Variants in HDAC4 observed in about 807,000 individuals in gnomAD.
The protein encoded by HDAC4 is histone deacetylase A.
In HDAC4, 16 loss-of-function variants were observed where a neutral mutation model predicts 135.1. The ratio of observed to expected loss-of-function variants is 0.12; its 90% confidence interval spans 0.08 to 0.18. HDAC4 has a LOEUF of 0.18. Among genes scored for constraint, HDAC4 ranks in the 10% least tolerant of loss-of-function variants. The pLI is 1.00. For synonymous variants in HDAC4, 685 were observed against 653.4 expected (o/e 1.05, Z -0.74); for missense variants, 1,143 against 1,511.8 (o/e 0.76, Z 4.05).
intron 3 of HDAC4, among the ~76,000 whole-genome samples, chr2:239,226,433 T>C (rs938482095): frequency 1.3e-5 from 2 of 152,112 alleles, no homozygotes; most frequent in Admixed American, 1.3e-4. Flanking sequence ...TCTCTCCCTC[T>C]AAAGTAGAGA....
intron 2 of HDAC4, among the ~76,000 whole-genome samples, chr2:239,253,520 T>C (rs1344345921): frequency 6.6e-6 from 1 of 152,130 alleles, no homozygotes; most frequent in African/African-American, 2.4e-5. Context: ...AAAAGCCAAT[T>C]TTACACTTTG....
chr2:239,190,511 T>G (rs546944076), intron 3 of HDAC4, among the ~76,000 whole-genome samples: 1 of 152,364 alleles, frequency 6.6e-6, no homozygotes, highest in East Asian at 1.9e-4. Context: ...GAAGACTGCC[T>G]GTCCTGCTCC....
chr2:239,116,796 A>G (rs1259501523), intron 12 of HDAC4, among the ~76,000 whole-genome samples: 1 of 151,380 alleles, frequency 6.6e-6, no homozygotes, highest in African/African-American at 2.4e-5. Context: ...CTCATGCCAC[A>G]CTCGCCTCCA....
intron 1 of HDAC4, among the ~76,000 whole-genome samples, chr2:239,369,928 A>G (rs1462922190): frequency 6.6e-6 from 1 of 152,226 alleles, no homozygotes; most frequent in Non-Finnish European, 1.5e-5. Context: ...GGAACTTCCC[A>G]TTCCTCCCTG....
chr2:239,309,325 A>C lies in HDAC4; in HGVS notation c.22+43353T>G, dbSNP rs1404866066. ...TGTTTCGGCTCGAGAGTCACAAAGA[A>C]CGCCCAGAACACTGTTTATATTGGG... On this transcript the variant is annotated intron_variant, in intron 2 of 26. Transcript: ENST00000543185. This position sits in a 1 kb window ranked among gnomAD's most constrained non-coding sequence, Gnocchi z 4.2. 6.6e-6 allele frequency: 1 copy of C among 152,070 alleles called. No homozygotes were observed. The highest frequency in any genetic ancestry group is 6.5e-5 in the Admixed American group (1 of 15,278). 9.4% of individuals were successfully genotyped at this position (152,070 alleles called of 1,614,324 possible).
At chr2:239,110,134 C>T (rs2038539740) in intron 14 of HDAC4, among the ~76,000 whole-genome samples, 1 of 152,238 alleles carries the variant, frequency 6.6e-6, no homozygotes, top group Non-Finnish European at 1.5e-5. Context: ...TTGTGTCTAT[C>T]TGTCCATCTG....
intron 9 of HDAC4, among the ~76,000 whole-genome samples, chr2:239,136,200 G>A (rs1026716158): frequency 1.3e-5 from 2 of 152,164 alleles, no homozygotes; most frequent in South Asian, 2.1e-4. Context: ...AGAAGCTAAC[G>A]TTAATAATGA....
Position 239,352,572 on chromosome 2 carries a change from A to G in HDAC4, c.22+106T>C, listed in dbSNP as rs1693236788. ...AAACCAACAGTGACCACTATCAAGA[A>G]AAACAAAAGTCTCAAATCCAGAAAG... On this transcript the variant is annotated intron_variant, in intron 2 of 26. Coordinates refer to ENST00000543185, the MANE Select transcript of HDAC4 (RefSeq NM_001378414.1). The surrounding 1 kb of genome is among the most constrained non-coding windows in gnomAD (Gnocchi z 4.4). 3 of 1,142,770 alleles carry G rather than the reference A, an allele frequency of 2.6e-6. No homozygotes were observed. Among genetic ancestry groups the G allele is most frequent in the Non-Finnish European group, 2.6e-6 (2 of 775,378 alleles). 70.8% of individuals were successfully genotyped at this position (1,142,770 alleles called of 1,614,324 possible). A position where few individuals can be genotyped will look rare whatever the true frequency, so the allele number is the denominator to read the frequency against.
chr2:239,213,474 C>T (rs1157876672), intron 3 of HDAC4, among the ~76,000 whole-genome samples: 2 of 152,238 alleles, frequency 1.3e-5, no homozygotes, highest in South Asian at 2.1e-4. Context: ...GGACCCTACA[C>T]AAACAAGCCT....
chr2:239,095,721 A>G (rs1174409128), intron 16 of HDAC4, among the ~76,000 whole-genome samples: 21 of 152,142 alleles, frequency 1.4e-4, no homozygotes, highest in Admixed American at 1.4e-3. Context: ...TCCGGCAGTG[A>G]AAGTGCTCCC....
intron 2 of HDAC4, among the ~76,000 whole-genome samples, chr2:239,304,138 C>T (rs1276100233): frequency 6.6e-6 from 1 of 152,186 alleles, no homozygotes; most frequent in East Asian, 1.9e-4. Context: ...GCTTTCTTAC[C>T]TATAAATGAG....
intron 2 of HDAC4, among the ~76,000 whole-genome samples, chr2:239,345,725 AAC>A (rs1692584015): frequency 6.7e-6 from 1 of 149,530 alleles, no homozygotes; most frequent in Non-Finnish European, 1.5e-5. Context: ...CACACACCCT[AAC>A]ACACATACAC....
chr2:239,317,298 T>C (rs1186213724), intron 2 of HDAC4, among the ~76,000 whole-genome samples: 1 of 151,752 alleles, frequency 6.6e-6, no homozygotes. Context: ...TGAACTGCCA[T>C]GTGTGTGGGT....
intron 2 of HDAC4, among the ~76,000 whole-genome samples, chr2:239,258,674 C>T (rs1184088683): frequency 6.6e-6 from 1 of 152,092 alleles, no homozygotes; most frequent in Non-Finnish European, 1.5e-5. Context: ...AATGAACACC[C>T]ATATAAAGAA....
At chr2:239,185,216 C>T (rs534621784) in intron 4 of HDAC4, among the ~76,000 whole-genome samples, 3 of 151,526 alleles carry the variant, frequency 2.0e-5, no homozygotes, top group Admixed American at 2.0e-4. Context: ...CCTGTATCCC[C>T]CATGGGGGTT....
intron 2 of HDAC4, among the ~76,000 whole-genome samples, chr2:239,273,161 T>C (rs1463741372): frequency 6.6e-6 from 1 of 152,030 alleles, no homozygotes; most frequent in Non-Finnish European, 1.5e-5. Flanking sequence ...GGTGACAAGG[T>C]GTCTTGTCAC....
chr2:239,266,420 A>G (rs2049732630), intron 2 of HDAC4, among the ~76,000 whole-genome samples: 2 of 152,264 alleles, frequency 1.3e-5, no homozygotes, highest in African/African-American at 4.8e-5. Flanking sequence ...ACAGATTCAC[A>G]GCCCACCTGC....
chr2:239,399,068 A>T (rs917089911), intron 1 of HDAC4, among the ~76,000 whole-genome samples: 2 of 152,260 alleles, frequency 1.3e-5, no homozygotes, highest in African/African-American at 4.8e-5. Flanking sequence ...CTCCCACACA[A>T]ATGTGAGTTC....
chr2:239,190,553 C>T (rs879887054), intron 3 of HDAC4, among the ~76,000 whole-genome samples: 10 of 152,352 alleles, frequency 6.6e-5, no homozygotes, highest in Admixed American at 3.3e-4. Flanking sequence ...GTCACCGTGC[C>T]GCTGTGAGAG....
Sources: allele counts gnomAD v4.1 joint callset (sites outside exome capture counted in the v4.1 genomes callset), GRCh38; gene constraint gnomAD v4.1.1; non-coding constraint Gnocchi (gnomAD v3.1); transcripts MANE v1.5; gene names NCBI Gene and HGNC (gene_info 2026-07-23, HGNC 2026-07-21).